The following PTPRQ variants were observed in gnomAD, a reference collection of about 807,000 sequenced individuals.
The protein encoded by PTPRQ is phosphatidylinositol phosphatase PTPRQ.
A neutral mutation model predicts 246.0 loss-of-function variants in PTPRQ; 199 were observed. That is an observed-to-expected ratio of 0.81 (90% confidence interval 0.72 to 0.91). PTPRQ has a LOEUF of 0.91. Among genes scored for constraint, PTPRQ ranks in the 40% least tolerant of loss-of-function variants. The probability of loss-of-function intolerance (pLI) is 0.00; values close to 1 mark genes in which losing one functional copy is unlikely to be tolerated. For missense variants in PTPRQ, 2,624 were observed against 2,528.4 expected (o/e 1.04, Z -0.81); for synonymous variants, 869 against 853.2 (o/e 1.02, Z -0.32).
At chr12:80,523,795 A>C (rs946683453) in intron 17 of PTPRQ, among the ~76,000 whole-genome samples, 1 of 152,142 alleles carries the variant, frequency 6.6e-6, no homozygotes, top group African/African-American at 2.4e-5. Flanking sequence ...CTATGTGGTC[A>C]ATTTTGGAAT....
intron 9 of PTPRQ, among the ~76,000 whole-genome samples, chr12:80,490,309 G>A (rs1894405961): frequency 6.6e-6 from 1 of 151,918 alleles, no homozygotes; most frequent in Non-Finnish European, 1.5e-5. Context: ...ATTCAATTCA[G>A]CAGACCTCCA....
intron 17 of PTPRQ, among the ~76,000 whole-genome samples, chr12:80,527,801 C>A (rs1346797502): frequency 6.6e-6 from 1 of 151,688 alleles, no homozygotes; most frequent in Non-Finnish European, 1.5e-5. Flanking sequence ...GCGTGGGCAC[C>A]ATAACTACAG....
intron 35 of PTPRQ, among the ~76,000 whole-genome samples, chr12:80,640,030 G>T (rs1241607093): frequency 7.5e-6 from 1 of 133,502 alleles, no homozygotes; most frequent in African/African-American, 3.5e-5. Context: ...ATACACGTGT[G>T]TGTGTGTGTG....
rs1395945529 is a variant in PTPRQ, at chr12:80,622,121, T to A, written c.5673T>A (p.Pro1891=). ...GQFTDSDYSD[P]VKTLGEGLSE... The stretch of plus-strand genomic sequence containing the variant: ...TTACTGACTCTGATTATTCTGACCC[T>A]GTTAAGACTTTAGGTAAGACATTTT... The change falls in exon 33 of 45, where the codon CCT becomes CCA. Residue 1891 remains proline (P), a synonymous_variant. Transcript: ENST00000644991. 6.9e-7 allele frequency: 1 copy of A among 1,440,040 alleles called. No homozygotes were observed. Among genetic ancestry groups the A allele is most frequent in the Non-Finnish European group, 9.2e-7 (1 of 1,091,304 alleles). 89.2% of individuals were successfully genotyped at this position (1,440,040 alleles called of 1,614,324 possible). A position where few individuals can be genotyped will look rare whatever the true frequency, so the allele number is the denominator to read the frequency against.
At chr12:80,569,748 C>T (rs1268769206) in intron 25 of PTPRQ, among the ~76,000 whole-genome samples, 2 of 151,526 alleles carry the variant, frequency 1.3e-5, no homozygotes, top group African/African-American at 2.4e-5. Context: ...GCCCCCCACC[C>T]CCGACAGGCC....
chr12:80,462,367 C>G (rs1162580588), intron 6 of PTPRQ: 1 of 194,380 alleles, frequency 5.1e-6, no homozygotes, highest in Non-Finnish European at 1.1e-5. Flanking sequence ...CCTGGAAGCT[C>G]CAACTGGGTG....
chr12:80,509,406 T>C (rs1008534650), intron 16 of PTPRQ, among the ~76,000 whole-genome samples: 5 of 152,118 alleles, frequency 3.3e-5, no homozygotes, highest in African/African-American at 9.6e-5. Context: ...TGTATTTCAA[T>C]TGACATTGTT....
At chr12:80,492,837 C>A (rs1894489942) in intron 9 of PTPRQ, among the ~76,000 whole-genome samples, 1 of 151,916 alleles carries the variant, frequency 6.6e-6, no homozygotes, top group Non-Finnish European at 1.5e-5. Context: ...ATCAAGCAGG[C>A]ATATAGACCT....
At chr12:80,515,633 C>T (rs1490426122) in intron 17 of PTPRQ, among the ~76,000 whole-genome samples, 1 of 151,684 alleles carries the variant, frequency 6.6e-6, no homozygotes, top group Non-Finnish European at 1.5e-5. Flanking sequence ...GGGGTTTTGC[C>T]ATGTTGGCCA....
At chr12:80,617,429 G>A (rs908861003) in intron 30 of PTPRQ, among the ~76,000 whole-genome samples, 25 of 151,536 alleles carry the variant, frequency 1.6e-4, no homozygotes, top group African/African-American at 6.0e-4. Flanking sequence ...ACTTTGGGAA[G>A]TACAAATGCA....
At chr12:80,633,335 G>A (rs1486846405) in intron 34 of PTPRQ, among the ~76,000 whole-genome samples, 1 of 152,100 alleles carries the variant, frequency 6.6e-6, no homozygotes, top group Admixed American at 6.5e-5. Flanking sequence ...TTCCTTATAT[G>A]GTAGACCCCC....
At chr12:80,667,087 C>T (rs12311997) in intron 39 of PTPRQ, among the ~76,000 whole-genome samples, 70,613 of 151,784 alleles carry the variant, frequency 0.47, 17,730 homozygotes, top group African/African-American at 0.67. Context: ...GGACCTAAAG[C>T]ACCACTTATA....
At chr12:80,571,364 T>C (rs1017804269) in intron 25 of PTPRQ, among the ~76,000 whole-genome samples, 1 of 152,244 alleles carries the variant, frequency 6.6e-6, no homozygotes, top group Non-Finnish European at 1.5e-5. Context: ...GGTCTCGAAC[T>C]GCTGACCTCA....
intron 25 of PTPRQ, among the ~76,000 whole-genome samples, chr12:80,560,175 C>G (rs958333198): frequency 4.6e-5 from 7 of 152,228 alleles, no homozygotes; most frequent in Non-Finnish European, 8.8e-5. Context: ...CCAGGAAACC[C>G]TGATGCTCTG....
In PTPRQ at chr12:80,541,678, A is replaced by G; in HGVS notation, c.3278A>G (p.Gln1093Arg). ...LVFYYVSLIL[Q>R]QTPRHVRPPL... ...TTCTACTATGTTTCACTGATCTTAC[A>G]GCAGACTCCTCGCCATGTGAGACCA... The change falls in exon 21 of 45, where the codon CAG becomes CGG. Residue 1093 changes from glutamine (Q) to arginine (R), a missense_variant. Coordinates refer to ENST00000644991, the MANE Select transcript of PTPRQ (RefSeq NM_001145026.2). The G allele has an allele frequency of 6.4e-7, 1 of 1,551,374 alleles. No individual in the cohort carries two copies. The highest frequency in any genetic ancestry group is 8.7e-7 in the Non-Finnish European group (1 of 1,146,730).
intron 16 of PTPRQ, among the ~76,000 whole-genome samples, chr12:80,506,989 AG>A (rs1317691912): frequency 6.6e-6 from 1 of 152,006 alleles, no homozygotes; most frequent in Non-Finnish European, 1.5e-5. Context: ...GTCATGACTG[AG>A]TTTTTCAACT....
intron 35 of PTPRQ, among the ~76,000 whole-genome samples, chr12:80,639,888 G>T (rs1350911720): frequency 2.6e-5 from 4 of 152,104 alleles, no homozygotes; most frequent in Admixed American, 1.3e-4. Flanking sequence ...CTTAGTGGTA[G>T]GTACACCTAT....
intron 3 of PTPRQ, among the ~76,000 whole-genome samples, chr12:80,446,213 T>C (rs1045521978): frequency 2.7e-5 from 4 of 147,824 alleles, no homozygotes; most frequent in Non-Finnish European, 6.0e-5. Flanking sequence ...AATAATTGCA[T>C]ATGGGAGCTC....
intron 25 of PTPRQ, among the ~76,000 whole-genome samples, chr12:80,587,509 A>G (rs2121015733): frequency 6.6e-6 from 1 of 152,326 alleles, no homozygotes; most frequent in South Asian, 2.1e-4. Context: ...CCAGGCTCAG[A>G]GCCTGACACA....
Sources: gnomAD v4.1 joint callset for allele counts (sites outside exome capture counted in the v4.1 genomes callset) on GRCh38, gnomAD v4.1.1 for gene constraint, MANE v1.5 for transcripts, NCBI Gene and HGNC (gene_info 2026-07-23, HGNC 2026-07-21) for gene names.